Variants in GALNTL6 observed in about 807,000 individuals in gnomAD.
GALNTL6 encodes the protein polypeptide N-acetylgalactosaminyltransferase-like 6.
A neutral mutation model predicts 73.7 loss-of-function variants in GALNTL6; 46 were observed. The observed-to-expected ratio is 0.62, with a 90% CI of 0.49 to 0.80. The LOEUF is 0.80. GALNTL6 is among the 30% of genes least tolerant of loss of function. GALNTL6 has a pLI of 0.00. For synonymous variants in GALNTL6, 259 were observed against 263.7 expected, an observed-to-expected ratio of 0.98 and a Z score of 0.17; for missense variants, 604 against 755.0, an observed-to-expected ratio of 0.80 and a Z score of 2.34.
intron 5 of GALNTL6, among the ~76,000 whole-genome samples, chr4:172,607,704 T>C (rs1738360179): frequency 6.6e-6 from 1 of 152,234 alleles, no homozygotes; most frequent in South Asian, 2.1e-4. Flanking sequence ...TAATTTACAT[T>C]CCCACCAGCA....
intron 7 of GALNTL6, among the ~76,000 whole-genome samples, chr4:172,864,192 GACTA>G (rs1430589470): frequency 6.6e-5 from 10 of 152,168 alleles, no homozygotes; most frequent in African/African-American, 2.4e-4. Context: ...CATGAGAACA[GACTA>G]ATACACCTAC....
At chr4:172,977,462 G>T (rs997386603) in intron 10 of GALNTL6, among the ~76,000 whole-genome samples, 1 of 152,188 alleles carries the variant, frequency 6.6e-6, no homozygotes, top group Non-Finnish European at 1.5e-5. Flanking sequence ...TCCATCAGGT[G>T]GTTGTTGGCT....
intron 5 of GALNTL6, among the ~76,000 whole-genome samples, chr4:172,788,353 G>A (rs964864123): frequency 6.6e-6 from 1 of 151,890 alleles, no homozygotes; most frequent in Non-Finnish European, 1.5e-5. Flanking sequence ...GCCTAAGCTA[G>A]AGCAAGACCC....
At chr4:171,829,274 A>C (rs1734902778) in intron 2 of GALNTL6, among the ~76,000 whole-genome samples, 1 of 152,024 alleles carries the variant, frequency 6.6e-6, no homozygotes, top group African/African-American at 2.4e-5. Context: ...TCTGTGAGAC[A>C]CCCTCAGAAG....
chr4:171,913,866 C>A (rs1361844168), intron 2 of GALNTL6, among the ~76,000 whole-genome samples: 1 of 151,766 alleles, frequency 6.6e-6, no homozygotes, highest in Non-Finnish European at 1.5e-5. Context: ...AGATACATAC[C>A]CTCATCAACA....
At chr4:173,018,077 A>G (rs547834778) in intron 11 of GALNTL6, among the ~76,000 whole-genome samples, 14 of 151,644 alleles carry the variant, frequency 9.2e-5, no homozygotes, top group Non-Finnish European at 1.6e-4. Context: ...AAAACCAAAG[A>G]CAGAGAGATG....
chr4:171,930,442 AC>A (rs1738142422), intron 2 of GALNTL6, among the ~76,000 whole-genome samples: 1 of 152,190 alleles, frequency 6.6e-6, no homozygotes. Flanking sequence ...AACAAAGTAG[AC>A]ATAGGAAGTA....
At chr4:172,943,111 T>G (rs1379022154) in intron 9 of GALNTL6, among the ~76,000 whole-genome samples, 1 of 150,588 alleles carries the variant, frequency 6.6e-6, no homozygotes, top group Non-Finnish European at 1.5e-5. Context: ...TTTTTTTTTT[T>G]ACTTCCAAGG....
chr4:172,317,215 T>TTG (rs1740591255), intron 4 of GALNTL6, among the ~76,000 whole-genome samples: 2 of 152,240 alleles, frequency 1.3e-5, no homozygotes, highest in Non-Finnish European at 2.9e-5. Flanking sequence ...CCTTATATTC[T>TTG]AAATACTCCT....
chr4:172,779,336 T>C (rs1739252166), intron 5 of GALNTL6, among the ~76,000 whole-genome samples: 1 of 152,130 alleles, frequency 6.6e-6, no homozygotes, highest in Non-Finnish European at 1.5e-5. Context: ...CCTTCTAACA[T>C]TTTGAAGGTC....
chr4:172,697,727 C>T (rs947307030), intron 5 of GALNTL6, among the ~76,000 whole-genome samples: 10 of 152,120 alleles, frequency 6.6e-5, no homozygotes, highest in Non-Finnish European at 1.2e-4. Flanking sequence ...AAGCATGAGA[C>T]AATCATAAAT....
At chr4:171,882,747 G>A (rs563837131) in intron 2 of GALNTL6, among the ~76,000 whole-genome samples, 1 of 152,184 alleles carries the variant, frequency 6.6e-6, no homozygotes, top group Non-Finnish European at 1.5e-5. Context: ...AGCCACGCTG[G>A]CAGTTGATTA....
At chr4:172,220,145 C>T (rs771371628) in intron 2 of GALNTL6, among the ~76,000 whole-genome samples, 2 of 151,570 alleles carry the variant, frequency 1.3e-5, no homozygotes, top group African/African-American at 2.4e-5. Flanking sequence ...AAGGTAACAT[C>T]GTATAGTTTC....
intron 2 of GALNTL6, among the ~76,000 whole-genome samples, chr4:171,870,206 G>C (rs965285216): frequency 2.6e-5 from 4 of 152,160 alleles, no homozygotes; most frequent in Admixed American, 2.6e-4. Context: ...CCTTTACAAT[G>C]AGTATGATTA....
rs1657494314 is a variant in GALNTL6 at position 173,009,403 on chromosome 4, G to A, written c.1488+109G>A. On this transcript the variant is annotated intron_variant, in intron 11 of 12. Transcript: ENST00000506823. Reference sequence around the variant, plus strand: ...CCGAATGGTGCAGATGGTACTTGTGGGACCTGGAGTGAGGCCGCTGTATCA... The same window carrying A: ...CCGAATGGTGCAGATGGTACTTGTGAGACCTGGAGTGAGGCCGCTGTATCA... The A allele has an allele frequency of 8.5e-6, 6 of 708,848 alleles. No homozygotes were observed. The South Asian group carries it at 9.9e-5, about 12-fold the overall frequency. The allele number at this position is 708,848 out of a possible 1,614,324, so 43.9% of individuals were successfully genotyped here.
At position 171,814,408 on chromosome 4, in the gene GALNTL6, G is replaced by A; in HGVS notation, c.-169-4G>A. The A allele has an allele frequency of 1.6e-6, 1 of 631,608 alleles. No individual in the cohort carries two copies. 39.1% of individuals were successfully genotyped at this position (631,608 alleles called of 1,614,324 possible). On this transcript the variant is annotated splice_polypyrimidine_tract_variant and splice_region_variant and intron_variant, in intron 1 of 12. Coordinates refer to ENST00000506823, the MANE Select transcript of GALNTL6 (RefSeq NM_001034845.3). ...GGGAAAGTAACTGTGCGTTTGTTCT[G>A]CAGATGGCCAACTCCCTCTGAATCC...
chr4:171,856,249 CCCA>C (rs1395852350), intron 2 of GALNTL6, among the ~76,000 whole-genome samples: 1 of 149,892 alleles, frequency 6.7e-6, no homozygotes, highest in African/African-American at 2.4e-5. Flanking sequence ...GTTACAGGTG[CCCA>C]CCACCACACC....
chr4:172,325,110 G>GA (rs926886629), intron 4 of GALNTL6, among the ~76,000 whole-genome samples: 6 of 147,644 alleles, frequency 4.1e-5, no homozygotes, highest in Admixed American at 6.7e-5. Context: ...GTATTTCTAA[G>GA]AAAAAAAAAG....
intron 2 of GALNTL6, among the ~76,000 whole-genome samples, chr4:171,936,867 C>A (rs1024124440): frequency 2.6e-5 from 4 of 152,186 alleles, no homozygotes; most frequent in African/African-American, 9.6e-5. Context: ...TGCTAACACA[C>A]TAGGAGAATA....
Sources: allele counts gnomAD v4.1 joint callset (sites outside exome capture counted in the v4.1 genomes callset), GRCh38; gene constraint gnomAD v4.1.1; transcripts MANE v1.5; gene names NCBI Gene and HGNC (gene_info 2026-07-23, HGNC 2026-07-21).